The following PRKG1 variants were observed in gnomAD, a reference collection of about 807,000 sequenced individuals.
PRKG1 encodes the protein protein kinase cGMP-dependent 1.
A neutral mutation model predicts 88.1 loss-of-function variants in PRKG1; 35 were observed. The observed-to-expected ratio is 0.40, with a 90% confidence interval of 0.30 to 0.53. The LOEUF (loss-of-function observed/expected upper bound fraction) is 0.53. Among genes scored for constraint, PRKG1 ranks in the 20% least tolerant of loss-of-function variants. The pLI, the probability that PRKG1 is intolerant of heterozygous loss-of-function variation, is 0.59. For synonymous variants in PRKG1, 303 were observed against 292.5 expected, an observed-to-expected ratio of 1.04 and a Z score of -0.37; for missense variants, 540 against 839.8, an observed-to-expected ratio of 0.64 and a Z score of 4.41.
intron 4 of PRKG1, among the ~76,000 whole-genome samples, chr10:51,884,663 C>T (rs1841525553): frequency 6.6e-6 from 1 of 152,002 alleles, no homozygotes; most frequent in Admixed American, 6.6e-5. Flanking sequence ...CTGAAATGTC[C>T]AAGGTGGACT....
At chr10:51,770,755 AC>A in intron 3 of PRKG1, among the ~76,000 whole-genome samples, 1 of 152,304 alleles carries the variant, frequency 6.6e-6, no homozygotes, top group East Asian at 1.9e-4. Flanking sequence ...ACCATCCCCT[AC>A]AGCCCCGTTT....
chr10:51,009,655 TC>T (rs1370953472), intron 1 of PRKG1, among the ~76,000 whole-genome samples: 2 of 152,236 alleles, frequency 1.3e-5, no homozygotes, highest in Non-Finnish European at 2.9e-5. Flanking sequence ...ATTCCAGTTA[TC>T]ATCTGAAAAT....
intron 5 of PRKG1, among the ~76,000 whole-genome samples, chr10:51,994,476 C>T (rs985090294): frequency 3.9e-5 from 6 of 152,112 alleles, no homozygotes; most frequent in East Asian, 1.9e-4. Context: ...TCTAAGAACC[C>T]CTCTGGGCAT....
chr10:52,243,009 A>G (rs1250863661), intron 9 of PRKG1, among the ~76,000 whole-genome samples: 1 of 152,208 alleles, frequency 6.6e-6, no homozygotes, highest in Non-Finnish European at 1.5e-5. Context: ...TAAAATGAAT[A>G]TTTGCCAATA....
At chr10:51,892,766 G>T (rs1359245595) in intron 4 of PRKG1, among the ~76,000 whole-genome samples, 1 of 152,164 alleles carries the variant, frequency 6.6e-6, no homozygotes, top group African/African-American at 2.4e-5. Flanking sequence ...TTGAAGATGT[G>T]TGCTGTCCCA....
At chr10:51,396,272 G>T (rs1478392473) in intron 2 of PRKG1, among the ~76,000 whole-genome samples, 10 of 152,048 alleles carry the variant, frequency 6.6e-5, no homozygotes. Flanking sequence ...GTGGTGACAT[G>T]TGCCTGTAGT....
chr10:52,042,808 T>C (rs1335802125), intron 5 of PRKG1, among the ~76,000 whole-genome samples: 7 of 152,114 alleles, frequency 4.6e-5, no homozygotes, highest in Non-Finnish European at 1.0e-4. Context: ...GGAGAAAATA[T>C]TCTCAAATTA....
chr10:51,233,222 G>A (rs1209944111), intron 2 of PRKG1, among the ~76,000 whole-genome samples: 2 of 152,146 alleles, frequency 1.3e-5, no homozygotes, highest in Non-Finnish European at 2.9e-5. Flanking sequence ...CTGAGACCAC[G>A]TTTGACATTG....
intron 3 of PRKG1, chr10:51,695,984 T>C (rs1197655036): frequency 6.6e-6 from 1 of 152,184 alleles, no homozygotes; most frequent in East Asian, 1.9e-4. Context: ...TATGTTCACA[T>C]CCTCAAGGCT....
At chr10:51,153,370 C>CT (rs923203382) in intron 2 of PRKG1, 40 bp downstream of exon 2, 3 of 1,527,766 alleles carry the variant, frequency 2.0e-6, no homozygotes, top group African/African-American at 1.4e-5. Context: ...TTCAAATATT[C>CT]TTTTTTCATC....
At chr10:51,498,061 C>T (rs1047842130) in intron 3 of PRKG1, among the ~76,000 whole-genome samples, 9 of 152,020 alleles carry the variant, frequency 5.9e-5, no homozygotes, top group African/African-American at 1.4e-4. Context: ...AGCAGTGGGA[C>T]GCTAGGAGTT....
At chr10:51,826,746 G>A (rs1043328800) in intron 4 of PRKG1, among the ~76,000 whole-genome samples, 2 of 152,164 alleles carry the variant, frequency 1.3e-5, no homozygotes, top group African/African-American at 4.8e-5. Context: ...AAGGAGAAAG[G>A]AGGAGGGCTC....
At chr10:52,037,136 A>C (rs1845637611) in intron 5 of PRKG1, among the ~76,000 whole-genome samples, 1 of 152,220 alleles carries the variant, frequency 6.6e-6, no homozygotes, top group Non-Finnish European at 1.5e-5. Context: ...TCCGATTTTC[A>C]GTGGGGTCCC....
intron 3 of PRKG1, among the ~76,000 whole-genome samples, chr10:51,569,326 A>G (rs949852452): frequency 1.3e-5 from 2 of 152,034 alleles, no homozygotes; most frequent in Non-Finnish European, 2.9e-5. Flanking sequence ...TTAAATATTG[A>G]TGGGTTTGAT....
intron 2 of PRKG1, among the ~76,000 whole-genome samples, chr10:51,375,232 G>A (rs1842793803): frequency 6.6e-6 from 1 of 151,590 alleles, no homozygotes; most frequent in Non-Finnish European, 1.5e-5. Flanking sequence ...TATATGCATT[G>A]GAGTCTTCTT....
rs180757264 is a variant in PRKG1 at position 51,665,904 on chromosome 10, G to T, written c.593-138681G>T. 3.5e-3 allele frequency among the ~76,000 whole-genome samples: 525 copies of T among 151,924 alleles called. 3 individuals are homozygous for T. The highest frequency in any genetic ancestry group is 0.012 in the African/African-American group (509 of 41,456). On this transcript the variant is annotated intron_variant, in intron 3 of 17. Transcript: ENST00000373980. ...CTAAATAGAGGTAGAGAGAGCTAGA[G>T]GTATTTATGAATATGTGTGTGTGTG...
At chr10:52,211,767 T>C (rs1839981584) in intron 9 of PRKG1, among the ~76,000 whole-genome samples, 2 of 151,874 alleles carry the variant, frequency 1.3e-5, no homozygotes, top group Non-Finnish European at 1.5e-5. Context: ...TGATGAATGT[T>C]ACTACGGAAA....
intron 3 of PRKG1, among the ~76,000 whole-genome samples, chr10:51,686,360 G>C (rs138127694): frequency 6.6e-6 from 1 of 152,018 alleles, no homozygotes; most frequent in Non-Finnish European, 1.5e-5. Context: ...ATGTGTTCTC[G>C]TTCGGCTCCC....
chr10:51,018,986 G>A (rs1843101539), intron 1 of PRKG1, among the ~76,000 whole-genome samples: 1 of 152,182 alleles, frequency 6.6e-6, no homozygotes, highest in Admixed American at 6.5e-5. Context: ...GGATTTATAA[G>A]TAAATGTTAC....
Sources: allele counts gnomAD v4.1 joint callset (sites outside exome capture counted in the v4.1 genomes callset), GRCh38; gene constraint gnomAD v4.1.1; transcripts MANE v1.5; gene names NCBI Gene and HGNC (gene_info 2026-07-23, HGNC 2026-07-21).